The following HACD2 variants were observed in gnomAD, a reference collection of about 807,000 sequenced individuals.
HACD2 encodes very-long-chain (3R)-3-hydroxyacyl-CoA dehydratase 2.
HACD2 carries 15 observed loss-of-function variants against 31.0 expected under a neutral mutation model. The ratio of observed to expected loss-of-function variants is 0.48; its 90% CI spans 0.32 to 0.75. The LOEUF (loss-of-function observed/expected upper bound fraction) is 0.75, where lower values mean the gene tolerates loss of function less well. HACD2 is among the 30% of genes least tolerant of loss of function. The pLI is 0.03. For missense variants in HACD2, 283 were observed against 313.0 expected (o/e 0.90, Z 0.72); for synonymous variants, 115 against 122.2 (o/e 0.94, Z 0.39).
intron 3 of HACD2, among the ~76,000 whole-genome samples, chr3:123,548,003 G>C (rs1290694123): frequency 3.3e-5 from 5 of 151,916 alleles, no homozygotes; most frequent in Admixed American, 1.3e-4. Context: ...AGGCAGTCTG[G>C]CTTCAGAACC....
At chr3:123,574,917 T>G (rs561453045) in intron 2 of HACD2, among the ~76,000 whole-genome samples, 1 of 152,156 alleles carries the variant, frequency 6.6e-6, no homozygotes, top group Non-Finnish European at 1.5e-5. Flanking sequence ...ATTTATGAAC[T>G]CTGGAGTGAT....
At chr3:123,534,361 A>G (rs1324340052) in intron 3 of HACD2, among the ~76,000 whole-genome samples, 1 of 152,052 alleles carries the variant, frequency 6.6e-6, no homozygotes, top group Non-Finnish European at 1.5e-5. Context: ...GTTACCTAGT[A>G]ATGTCCATTG....
chr3:123,553,613 T>C (rs1292773106), intron 3 of HACD2, among the ~76,000 whole-genome samples: 1 of 152,202 alleles, frequency 6.6e-6, no homozygotes, highest in Non-Finnish European at 1.5e-5. Flanking sequence ...TAAGGCAGCA[T>C]TGATTCCCAA....
intron 3 of HACD2, among the ~76,000 whole-genome samples, chr3:123,566,542 C>T (rs1291735576): frequency 6.6e-6 from 1 of 151,830 alleles, no homozygotes; most frequent in Admixed American, 6.5e-5. Context: ...CCTCAGCCTC[C>T]CAAGGTGCTG....
intron 3 of HACD2, among the ~76,000 whole-genome samples, chr3:123,567,364 A>G (rs2056803015): frequency 6.6e-6 from 1 of 152,310 alleles, no homozygotes; most frequent in East Asian, 1.9e-4. Context: ...CCTGGGAGGT[A>G]GGCAATACTC....
At chr3:123,502,502 G>C (rs1239045091) in intron 5 of HACD2, 58 bp downstream of exon 5, 5 of 1,566,882 alleles carry the variant, frequency 3.2e-6, no homozygotes, top group Non-Finnish European at 4.3e-6. Flanking sequence ...AGGCAATAAA[G>C]GGCAAATTCA....
At chr3:123,559,792 C>G (rs1220781922) in intron 3 of HACD2, among the ~76,000 whole-genome samples, 1 of 152,162 alleles carries the variant, frequency 6.6e-6, no homozygotes, top group Non-Finnish European at 1.5e-5. Flanking sequence ...TCTGGGCTCT[C>G]TTCATAGCTT....
intron 3 of HACD2, among the ~76,000 whole-genome samples, chr3:123,565,666 G>A (rs565608851): frequency 3.1e-4 from 47 of 152,262 alleles, no homozygotes; most frequent in African/African-American, 1.1e-3. Flanking sequence ...TGGAAAAGAC[G>A]CATCTGAGAG....
chr3:123,512,753 G>A (rs1247141555), intron 4 of HACD2, among the ~76,000 whole-genome samples: 2 of 152,186 alleles, frequency 1.3e-5, no homozygotes, highest in African/African-American at 4.8e-5. Context: ...ACTGTGGTTG[G>A]AGGGATCAGT....
chr3:123,583,398 A>C (rs992053313), intron 1 of HACD2, among the ~76,000 whole-genome samples: 5 of 152,220 alleles, frequency 3.3e-5, no homozygotes, highest in Non-Finnish European at 7.3e-5. Context: ...TTTTATATAT[A>C]AATATTAATA....
chr3:123,539,568 T>A (rs1263101914), intron 3 of HACD2, among the ~76,000 whole-genome samples: 5 of 151,802 alleles, frequency 3.3e-5, no homozygotes, highest in South Asian at 2.1e-4. Context: ...AGACTCGGTC[T>A]CAAAGAAAAA....
chr3:123,503,846 T>C (rs1165774047), intron 4 of HACD2, among the ~76,000 whole-genome samples: 1 of 152,186 alleles, frequency 6.6e-6, no homozygotes, highest in African/African-American at 2.4e-5. Flanking sequence ...AATGGCATTC[T>C]AGCCTTAACT....
At chr3:123,543,344 C>G (rs1417400267) in intron 3 of HACD2, among the ~76,000 whole-genome samples, 1 of 152,138 alleles carries the variant, frequency 6.6e-6, no homozygotes, top group Non-Finnish European at 1.5e-5. Context: ...ACCCTACACA[C>G]TTTCACTGGT....
In HACD2 at chr3:123,517,371, G is replaced by A. The variant is rs78941384; in HGVS notation, c.381+11015C>T. On this transcript the variant is annotated intron_variant, in intron 4 of 6. Coordinates refer to ENST00000383657, the MANE Select transcript of HACD2 (RefSeq NM_198402.5). Reference sequence around the variant, plus strand: ...TTTGATTTGCTCACCTCCAAAAAGCGTGTTACTAACTGAAAAGCTTTCATG... The same window carrying A: ...TTTGATTTGCTCACCTCCAAAAAGCATGTTACTAACTGAAAAGCTTTCATG... Among the ~76,000 whole-genome samples the A allele has an allele frequency of 7.4e-3, 1,125 of 152,248 alleles. 16 individuals carry two copies. The highest frequency in any genetic ancestry group is 0.026 in the African/African-American group (1,080 of 41,532).
chr3:123,497,261 C>G (rs753624), intron 6 of HACD2, among the ~76,000 whole-genome samples: 2 of 152,166 alleles, frequency 1.3e-5, no homozygotes, highest in Non-Finnish European at 2.9e-5. Flanking sequence ...CCCCTCAACC[C>G]GACAACAGGC....
At chr3:123,532,645 CT>C (rs963664432) in intron 3 of HACD2, among the ~76,000 whole-genome samples, 1 of 151,972 alleles carries the variant, frequency 6.6e-6, no homozygotes, top group Non-Finnish European at 1.5e-5. Flanking sequence ...AACCTGGCCC[CT>C]GGCCAACATG....
Position 123,492,770 on chromosome 3 carries a change from A to C in HACD2, c.*2118T>G, listed in dbSNP as rs904104749. On this transcript the variant is annotated 3_prime_UTR_variant, in exon 7 of 7. Coordinates refer to ENST00000383657, the MANE Select transcript of HACD2 (RefSeq NM_198402.5). ...ATCCTGATTTCTAGAATTTTTCCAA[A>C]AACAACTGAAAAAATCTAACAGAAC... is the stretch of plus-strand genomic sequence containing the variant. 6.6e-6 allele frequency: 1 copy of C among 152,238 alleles called. No individual in the cohort carries two copies. The highest frequency in any genetic ancestry group is 2.4e-5 in the African/African-American group (1 of 41,470). 9.4% of individuals were successfully genotyped at this position (152,238 alleles called of 1,614,324 possible). A position where few individuals can be genotyped will look rare whatever the true frequency, so the allele number is the denominator to read the frequency against.
At chr3:123,497,118 G>T (rs1468770946) in intron 6 of HACD2, among the ~76,000 whole-genome samples, 4 of 152,244 alleles carry the variant, frequency 2.6e-5, no homozygotes, top group Non-Finnish European at 5.9e-5. Flanking sequence ...TGGCTGACCA[G>T]AACTATGATT....
At chr3:123,542,592 G>A (rs1469423460) in intron 3 of HACD2, among the ~76,000 whole-genome samples, 1 of 152,214 alleles carries the variant, frequency 6.6e-6, no homozygotes, top group Non-Finnish European at 1.5e-5. Flanking sequence ...GATGCCAACG[G>A]CATAAGCCAA....
Sources: allele counts gnomAD v4.1 joint callset (sites outside exome capture counted in the v4.1 genomes callset), GRCh38; gene constraint gnomAD v4.1.1; transcripts MANE v1.5; gene names NCBI Gene and HGNC (gene_info 2026-07-23, HGNC 2026-07-21).